COL25A1: variants seen among roughly 807,000 people sequenced by gnomAD.
COL25A1 encodes the protein collagen type XXV alpha 1 chain.
COL25A1 carries 103 observed loss-of-function variants against 128.4 expected under a neutral mutation model. That is an observed-to-expected ratio of 0.80 (90% CI 0.68 to 0.94). COL25A1 has a LOEUF of 0.94. COL25A1 is among the 40% of genes least tolerant of loss of function. The pLI is 0.00. For missense variants in COL25A1, 745 were observed against 840.0 expected, an observed-to-expected ratio of 0.89 and a Z score of 1.40; for synonymous variants, 279 against 277.2, an observed-to-expected ratio of 1.01 and a Z score of -0.06.
intron 8 of COL25A1, among the ~76,000 whole-genome samples, chr4:108,960,310 TA>T (rs1750540754): frequency 6.6e-6 from 1 of 152,052 alleles, no homozygotes; most frequent in Non-Finnish European, 1.5e-5. Flanking sequence ...ACACATTTTT[TA>T]AAAAACGAAG....
intron 3 of COL25A1, among the ~76,000 whole-genome samples, chr4:109,265,239 C>G (rs1781708360): frequency 6.6e-6 from 1 of 152,136 alleles, no homozygotes; most frequent in Non-Finnish European, 1.5e-5. Context: ...ATTCTATTAA[C>G]CTATCTGTTA....
rs1730577568 is a variant in COL25A1, at chr4:108,808,806, T to C, written c.*5121A>G. ...TTAATATTGTAATAATTACACACTT[T>C]TTACATTATGAAAATAAGTCATAAA... On this transcript the variant is annotated 3_prime_UTR_variant, in exon 38 of 38. Transcript: ENST00000399132. The C allele has an allele frequency of 1.3e-5, 2 of 152,160 alleles. No homozygotes were observed. The highest frequency in any genetic ancestry group is 2.9e-5 in the Non-Finnish European group (2 of 68,030). The allele number at this position is 152,160 out of a possible 1,614,324, so 9.4% of individuals were successfully genotyped here.
At chr4:109,018,219 C>A (rs1757391898) in intron 5 of COL25A1, among the ~76,000 whole-genome samples, 1 of 152,002 alleles carries the variant, frequency 6.6e-6, no homozygotes, top group East Asian at 1.9e-4. Flanking sequence ...GCCCCTGATC[C>A]CATCCTCTTT....
chr4:108,985,277 T>A (rs569755525), intron 6 of COL25A1, among the ~76,000 whole-genome samples: 1 of 152,334 alleles, frequency 6.6e-6, no homozygotes, highest in Admixed American at 6.5e-5. Flanking sequence ...TTACTCTTTT[T>A]CTCACTTGTC....
rs1217377340 is a variant in COL25A1 at position 108,809,943 on chromosome 4, A to G, written c.*3984T>C. The G allele has an allele frequency of 6.7e-6, 1 of 150,226 alleles. No homozygotes were observed. The highest frequency in any genetic ancestry group is 1.5e-5 in the Non-Finnish European group (1 of 67,298). 9.3% of individuals were successfully genotyped at this position (150,226 alleles called of 1,614,324 possible). On this transcript the variant is annotated 3_prime_UTR_variant, in exon 38 of 38. Coordinates refer to ENST00000399132, the MANE Select transcript of COL25A1 (RefSeq NM_198721.4). ...AAGGACTTAACTTCCAAGAGATAGC[A>G]GGAGCTCTTGTTTTTACAAATTAGA... is the stretch of plus-strand genomic sequence containing the variant.
chr4:109,258,181 T>C (rs1293958783), intron 3 of COL25A1, among the ~76,000 whole-genome samples: 1 of 152,220 alleles, frequency 6.6e-6, no homozygotes, highest in Non-Finnish European at 1.5e-5. Flanking sequence ...CCCTGGTCCA[T>C]CTACACTTCA....
At chr4:108,815,201 G>A (rs1474793683) in intron 37 of COL25A1, among the ~76,000 whole-genome samples, 3 of 152,166 alleles carry the variant, frequency 2.0e-5, no homozygotes, top group South Asian at 2.1e-4. Flanking sequence ...ATGACCAAGA[G>A]GAGTTGGTAA....
intron 3 of COL25A1, among the ~76,000 whole-genome samples, chr4:109,117,785 T>C (rs566944762): frequency 6.6e-5 from 10 of 152,046 alleles, no homozygotes; most frequent in Non-Finnish European, 1.5e-4. Context: ...TTAGAAATAT[T>C]TTGATATTAT....
intron 3 of COL25A1, among the ~76,000 whole-genome samples, chr4:109,199,482 T>C (rs1408469119): frequency 6.6e-6 from 1 of 152,000 alleles, no homozygotes; most frequent in Non-Finnish European, 1.5e-5. Context: ...GCACTGTAAA[T>C]ACAAATGAGA....
intron 3 of COL25A1, among the ~76,000 whole-genome samples, chr4:109,225,265 G>T (rs977254914): frequency 6.6e-6 from 1 of 152,036 alleles, no homozygotes; most frequent in African/African-American, 2.4e-5. Flanking sequence ...GAATCTACAA[G>T]GAATTCAAAC....
chr4:108,819,458 G>T, intron 35 of COL25A1, 129 bp from the exon 36 acceptor site: 1 of 688,836 alleles, frequency 1.5e-6, no homozygotes, highest in Non-Finnish European at 2.4e-6. Context: ...GTAACATCCA[G>T]TGAAGTTGGG....
intron 3 of COL25A1, among the ~76,000 whole-genome samples, chr4:109,188,081 C>T (rs766357581): frequency 1.3e-5 from 2 of 152,068 alleles, no homozygotes; most frequent in Non-Finnish European, 2.9e-5. Flanking sequence ...TGAAACTAAT[C>T]GAAAAACACA....
intron 3 of COL25A1, among the ~76,000 whole-genome samples, chr4:109,263,304 C>G (rs931707055): frequency 6.6e-6 from 1 of 152,064 alleles, no homozygotes; most frequent in Non-Finnish European, 1.5e-5. Flanking sequence ...GAATTCAGTA[C>G]TAAACTGATT....
At chr4:109,226,213 T>C (rs1220581801) in intron 3 of COL25A1, among the ~76,000 whole-genome samples, 1 of 151,970 alleles carries the variant, frequency 6.6e-6, no homozygotes, top group East Asian at 1.9e-4. Flanking sequence ...AATAATAGAC[T>C]GGAGTCTCAG....
intron 8 of COL25A1, among the ~76,000 whole-genome samples, chr4:108,971,865 G>A (rs560762375): frequency 3.3e-5 from 5 of 152,318 alleles, no homozygotes; most frequent in Non-Finnish European, 5.9e-5. Context: ...TAGTAGAAGA[G>A]AGAGATAAGT....
chr4:108,904,432 A>T (rs1441714992), intron 13 of COL25A1, among the ~76,000 whole-genome samples: 1 of 152,190 alleles, frequency 6.6e-6, no homozygotes, highest in Non-Finnish European at 1.5e-5. Context: ...ATAGAAAACA[A>T]CAAGAAGTCT....
intron 16 of COL25A1, among the ~76,000 whole-genome samples, chr4:108,890,070 C>T (rs1312788729): frequency 6.6e-6 from 1 of 152,184 alleles, no homozygotes; most frequent in Non-Finnish European, 1.5e-5. Context: ...AAAAATACAT[C>T]GTGAAGCAAT....
chr4:109,247,279 G>A (rs1013981711), intron 3 of COL25A1, among the ~76,000 whole-genome samples: 1 of 152,110 alleles, frequency 6.6e-6, no homozygotes, highest in Non-Finnish European at 1.5e-5. Flanking sequence ...GAACCCAGGA[G>A]GGGGAGTTTG....
chr4:108,943,916 C>A (rs1260721242), intron 8 of COL25A1, among the ~76,000 whole-genome samples: 2 of 151,784 alleles, frequency 1.3e-5, no homozygotes, highest in Admixed American at 1.3e-4. Flanking sequence ...TCTTCCCACC[C>A]AAATTTATCT....
Sources: gnomAD v4.1 joint callset for allele counts (sites outside exome capture counted in the v4.1 genomes callset) on GRCh38, gnomAD v4.1.1 for gene constraint, MANE v1.5 for transcripts, NCBI Gene and HGNC (gene_info 2026-07-23, HGNC 2026-07-21) for gene names.